Variants in AVEN observed in about 807,000 individuals in gnomAD.
AVEN encodes cell death regulator Aven.
A neutral mutation model predicts 38.1 loss-of-function variants in AVEN; 41 were observed. The ratio of observed to expected loss-of-function variants is 1.08; its 90% CI spans 0.84 to 1.40. The LOEUF is 1.40. Ranked by LOEUF, AVEN falls within the 40% of genes most tolerant of loss-of-function variation. The probability of loss-of-function intolerance (pLI) is 0.00; values close to 1 mark genes in which losing one functional copy is unlikely to be tolerated. For synonymous variants in AVEN, 206 were observed against 171.8 expected (o/e 1.20, Z -1.56); for missense variants, 605 against 438.8 (o/e 1.38, Z -3.38).
At chr15:33,909,216 T>G (rs1892827794) in intron 2 of AVEN, among the ~76,000 whole-genome samples, 1 of 152,242 alleles carries the variant, frequency 6.6e-6, no homozygotes, top group Non-Finnish European at 1.5e-5. Context: ...CATGTGATTT[T>G]GTAGAACCCA....
chr15:33,889,622 TTCTCA>T (rs1176357126), intron 2 of AVEN, among the ~76,000 whole-genome samples: 16 of 152,248 alleles, frequency 1.1e-4, no homozygotes, highest in East Asian at 3.8e-4. Flanking sequence ...CCAACTTGCC[TTCTCA>T]TCTCATTAGG....
intron 2 of AVEN, among the ~76,000 whole-genome samples, chr15:33,879,302 A>G (rs192140826): frequency 2.0e-4 from 30 of 150,928 alleles, no homozygotes; most frequent in African/African-American, 7.3e-4. Flanking sequence ...TATCGCAAGG[A>G]CAAAAAAACA....
rs750954353 is a variant in AVEN, at chr15:33,867,511, C to G, written c.957G>C (p.Val319=). The G allele has an allele frequency of 3.8e-6, 6 of 1,579,298 alleles. No homozygotes were observed. Among genetic ancestry groups the G allele is most frequent in the Non-Finnish European group, 5.1e-6 (6 of 1,166,012 alleles). ...QDLKSKEDGE[V]VQEEEVCAKP... is the part of the protein sequence containing the mutation. ...AAGCCATACCTTCTTCCTCTTGGACCACCTCCCCATCTTCCTTGGATTTCA... is the reference window on the plus strand; with the variant it reads ...AAGCCATACCTTCTTCCTCTTGGACGACCTCCCCATCTTCCTTGGATTTCA... The change falls in exon 5 of 6, where the codon GTG becomes GTC. Residue 319 remains valine, a synonymous_variant. Coordinates refer to ENST00000306730, the MANE Select transcript of AVEN (RefSeq NM_020371.3).
chr15:33,978,914 G>A (rs1022010575), intron 2 of AVEN, among the ~76,000 whole-genome samples: 1 of 130,388 alleles, frequency 7.7e-6, no homozygotes, highest in Non-Finnish European at 1.7e-5. Flanking sequence ...AGAGGAAAGA[G>A]ATGTATGTCC....
At chr15:34,073,983 C>CTTTTTTT (rs1567498505) in intron 1 of AVEN, among the ~76,000 whole-genome samples, 3 of 20,814 alleles carry the variant, frequency 1.4e-4, no homozygotes, top group African/African-American at 3.6e-4. Flanking sequence ...CTTTTTTCTT[C>CTTTTTTT]TTCTTCTTTT....
At chr15:34,067,415 T>C (rs543099394) in intron 2 of AVEN, 63 of 152,330 alleles carry the variant, frequency 4.1e-4, no homozygotes, top group African/African-American at 1.4e-3. Context: ...TGCTTTTCTG[T>C]ATTGTATAAG....
chr15:34,042,666 G>T (rs1015073988), upstream of AVEN, among the ~76,000 whole-genome samples: 2 of 151,924 alleles, frequency 1.3e-5, no homozygotes, highest in Non-Finnish European at 2.9e-5. Context: ...GCCTCCCAAA[G>T]TGCTGGGATT....
chr15:34,005,813 A>G (rs1897314302), intron 1 of AVEN, among the ~76,000 whole-genome samples: 2 of 152,192 alleles, frequency 1.3e-5, no homozygotes, highest in African/African-American at 2.4e-5. Flanking sequence ...TTGGCCTTTC[A>G]AGATCACGTT....
chr15:33,938,416 C>G (rs900643169), intron 2 of AVEN, among the ~76,000 whole-genome samples: 4 of 151,936 alleles, frequency 2.6e-5, no homozygotes, highest in African/African-American at 9.7e-5. Flanking sequence ...GATCGCGCCA[C>G]TGCACTCCAG....
chr15:33,921,375 T>C (rs656374), intron 2 of AVEN, among the ~76,000 whole-genome samples: 100,261 of 151,936 alleles, frequency 0.66, 33,594 homozygotes, highest in East Asian at 0.81. Context: ...CTGCTGCAAA[T>C]TGAGACAGTT....
At chr15:33,914,325 A>G (rs184783712) in intron 2 of AVEN, among the ~76,000 whole-genome samples, 1 of 152,334 alleles carries the variant, frequency 6.6e-6, no homozygotes, top group Admixed American at 6.5e-5. Context: ...AACAGTGTGT[A>G]GCACGTATGC....
intron 2 of AVEN, among the ~76,000 whole-genome samples, chr15:33,892,057 G>A (rs1168202103): frequency 6.6e-6 from 1 of 152,132 alleles, no homozygotes; most frequent in Non-Finnish European, 1.5e-5. Context: ...CATATCCTTT[G>A]CCCACTTTTT....
At chr15:34,031,419 C>G (rs1418681059) in intron 1 of AVEN, among the ~76,000 whole-genome samples, 7 of 151,970 alleles carry the variant, frequency 4.6e-5, no homozygotes, top group Admixed American at 4.6e-4. Flanking sequence ...AGGTGATCTG[C>G]CTGCCTCAGC....
chr15:33,879,137 G>C (rs188761457), intron 2 of AVEN, among the ~76,000 whole-genome samples: 55 of 151,912 alleles, frequency 3.6e-4, no homozygotes, highest in African/African-American at 1.2e-3. Flanking sequence ...CAATAGCAAA[G>C]ACTTGGAACC....
At chr15:33,996,789 C>A (rs1023936353) in intron 2 of AVEN, among the ~76,000 whole-genome samples, 1 of 152,158 alleles carries the variant, frequency 6.6e-6, no homozygotes, top group Non-Finnish European at 1.5e-5. Flanking sequence ...AAAACCAGAG[C>A]GCCTCTTGTC....
the AVEN span, chr15:33,853,552 C>T: frequency 1.9e-6 from 3 of 1,613,404 alleles, no homozygotes; most frequent in Non-Finnish European, 2.5e-6. Context: ...TCCTTTGCTT[C>T]AGGTGATCAA....
intron 2 of AVEN, among the ~76,000 whole-genome samples, chr15:33,878,812 G>A (rs2153037168): frequency 6.6e-6 from 1 of 152,218 alleles, no homozygotes; most frequent in Admixed American, 6.5e-5. Flanking sequence ...GAGAATATAT[G>A]AAATATGATT....
intron 1 of AVEN, among the ~76,000 whole-genome samples, chr15:34,032,482 A>T (rs1898901153): frequency 6.6e-6 from 1 of 152,218 alleles, no homozygotes; most frequent in Non-Finnish European, 1.5e-5. Context: ...TAAGAATGAC[A>T]AAACCTGGAA....
chr15:33,878,454 TAGGCTAG>T (rs140776501), intron 2 of AVEN, among the ~76,000 whole-genome samples: 3,668 of 152,238 alleles, frequency 0.024, 136 homozygotes, highest in African/African-American at 0.084. Flanking sequence ...TGTGAGAAAC[TAGGCTAG>T]TTACCAATAT....
Sources: gnomAD v4.1 joint callset for allele counts (sites outside exome capture counted in the v4.1 genomes callset) on GRCh38, gnomAD v4.1.1 for gene constraint, MANE v1.5 for transcripts, NCBI Gene and HGNC (gene_info 2026-07-23, HGNC 2026-07-21) for gene names.